Variants in MAP2K4 observed in about 807,000 individuals in gnomAD.
MAP2K4 encodes dual specificity mitogen-activated protein kinase kinase 4.
Under a neutral mutation model 48.5 loss-of-function variants are expected in MAP2K4, and 4 were observed. That is an observed-to-expected ratio of 0.08 (90% CI 0.04 to 0.19). The LOEUF (loss-of-function observed/expected upper bound fraction) is 0.19. Among genes scored for constraint, MAP2K4 ranks in the 10% least tolerant of loss-of-function variants. The pLI is 1.00. For synonymous variants in MAP2K4, 166 were observed against 173.1 expected (o/e 0.96, Z 0.32); for missense variants, 258 against 493.3 (o/e 0.52, Z 4.52).
chr17:12,048,021 C>T (rs1031333532), intron 1 of MAP2K4, among the ~76,000 whole-genome samples: 8 of 152,140 alleles, frequency 5.3e-5, no homozygotes, highest in African/African-American at 1.9e-4. Context: ...CCTTTAACCT[C>T]CTTGTACTAC....
chr17:12,054,754 T>C (rs892121953), intron 1 of MAP2K4, 135 bp from the exon 2 acceptor site: 11 of 508,470 alleles, frequency 2.2e-5, no homozygotes, highest in Non-Finnish European at 3.9e-5. Context: ...CCTCATTGCC[T>C]TTCAAAATAT....
intron 4 of MAP2K4, among the ~76,000 whole-genome samples, chr17:12,099,226 A>AT: frequency 6.6e-6 from 1 of 151,804 alleles, no homozygotes. Flanking sequence ...AAAAAAAAAA[A>AT]CATGATTTCA....
chr17:12,122,009 T>A (rs1972710064), intron 7 of MAP2K4, among the ~76,000 whole-genome samples: 1 of 152,242 alleles, frequency 6.6e-6, no homozygotes, highest in South Asian at 2.1e-4. Context: ...TCATGGTTTT[T>A]CGATACTGTG....
chr17:12,070,070 T>A (rs2151538786), intron 2 of MAP2K4, among the ~76,000 whole-genome samples: 1 of 150,232 alleles, frequency 6.7e-6, no homozygotes, highest in Admixed American at 6.6e-5. Flanking sequence ...GTATATTTGA[T>A]AGCATTGGGA....
intron 1 of MAP2K4, among the ~76,000 whole-genome samples, chr17:12,053,347 A>G (rs1263681286): frequency 6.6e-6 from 1 of 151,954 alleles, no homozygotes; most frequent in Non-Finnish European, 1.5e-5. Flanking sequence ...AAAAGCTTAA[A>G]ATGTTTTTGG....
At chr17:12,132,657 C>T (rs1973066924) in intron 9 of MAP2K4, among the ~76,000 whole-genome samples, 1 of 151,444 alleles carries the variant, frequency 6.6e-6, no homozygotes, top group Non-Finnish European at 1.5e-5. Context: ...GAAGACCTTG[C>T]CGACTGAGGT....
At chr17:12,114,767 A>G (rs1251433427) in intron 7 of MAP2K4, among the ~76,000 whole-genome samples, 3 of 152,224 alleles carry the variant, frequency 2.0e-5, no homozygotes, top group African/African-American at 4.8e-5. Flanking sequence ...CAGCCCAGAT[A>G]AAGTAGAATA....
chr17:12,097,123 A>C (rs970089149), intron 4 of MAP2K4, among the ~76,000 whole-genome samples: 2 of 152,220 alleles, frequency 1.3e-5, no homozygotes, highest in African/African-American at 4.8e-5. Context: ...TTGCACAAGA[A>C]TCTTACCATA....
chr17:12,130,194 A>G (rs1972978692), intron 9 of MAP2K4, among the ~76,000 whole-genome samples: 1 of 152,134 alleles, frequency 6.6e-6, no homozygotes, highest in African/African-American at 2.4e-5. Flanking sequence ...CTTTGTATGA[A>G]AAATTTAAAA....
At chr17:12,076,151 G>A (rs540944688) in intron 2 of MAP2K4, among the ~76,000 whole-genome samples, 1 of 152,254 alleles carries the variant, frequency 6.6e-6, no homozygotes, top group African/African-American at 2.4e-5. Context: ...TGGCCACTGT[G>A]TTTCTTTACA....
At chr17:12,028,827 T>C (rs556058708) in intron 1 of MAP2K4, among the ~76,000 whole-genome samples, 2 of 152,256 alleles carry the variant, frequency 1.3e-5, no homozygotes, top group Non-Finnish European at 2.9e-5. Flanking sequence ...ATTATCAACC[T>C]AGAGGAATGG....
chr17:12,117,215 C>T (rs753891129), intron 7 of MAP2K4, among the ~76,000 whole-genome samples: 6 of 152,040 alleles, frequency 3.9e-5, no homozygotes, highest in Admixed American at 6.5e-5. Context: ...ATATCATTAC[C>T]ACACCTAAAA....
chr17:12,040,017 T>C (rs530216671), intron 1 of MAP2K4, among the ~76,000 whole-genome samples: 1 of 152,324 alleles, frequency 6.6e-6, no homozygotes, highest in African/African-American at 2.4e-5. Context: ...TGTTGTGTGC[T>C]TCACATCACA....
chr17:12,085,022 G>C (rs181479310), intron 3 of MAP2K4, among the ~76,000 whole-genome samples: 1 of 152,266 alleles, frequency 6.6e-6, no homozygotes, highest in African/African-American at 2.4e-5. Flanking sequence ...ATGCCTGACA[G>C]TATATTCTCC....
chr17:12,128,147 G>A (rs1197450284), intron 8 of MAP2K4, among the ~76,000 whole-genome samples: 2 of 152,142 alleles, frequency 1.3e-5, no homozygotes, highest in Non-Finnish European at 2.9e-5. Flanking sequence ...GCGCAATCTC[G>A]GCTCACTGCA....
chr17:12,059,894 G>A lies in MAP2K4; in HGVS notation c.218+4903G>A, dbSNP rs993267301. On this transcript the variant is annotated intron_variant, in intron 2 of 10. Coordinates refer to ENST00000353533, the MANE Select transcript of MAP2K4 (RefSeq NM_003010.4). Reference sequence around the variant, plus strand: ...ACGTTGCTGTCTTAGAATTAATGACGAGGCCGGGCACAGTTGCTCACGCCT... The same window carrying A: ...ACGTTGCTGTCTTAGAATTAATGACAAGGCCGGGCACAGTTGCTCACGCCT... Among the ~76,000 whole-genome samples, 6 of 152,240 alleles carry A rather than the reference G, an allele frequency of 3.9e-5. No homozygotes were observed. In the East Asian group the frequency reaches 1.2e-3, roughly 29 times the overall value.
chr17:12,116,873 G>T (rs1334760851), intron 7 of MAP2K4, among the ~76,000 whole-genome samples: 4 of 152,056 alleles, frequency 2.6e-5, no homozygotes, highest in Non-Finnish European at 4.4e-5. Flanking sequence ...GTACATAATT[G>T]TATGTGCTAT....
chr17:12,024,973 G>C (rs1420658124), intron 1 of MAP2K4, among the ~76,000 whole-genome samples: 1 of 152,144 alleles, frequency 6.6e-6, no homozygotes, highest in East Asian at 1.9e-4. Context: ...AGATAGTATG[G>C]TTGGCATGTT....
At chr17:12,037,673 A>G (rs1177188843) in intron 1 of MAP2K4, among the ~76,000 whole-genome samples, 8 of 152,144 alleles carry the variant, frequency 5.3e-5, no homozygotes, top group Non-Finnish European at 8.8e-5. Flanking sequence ...TGAGACTTGT[A>G]GGATTAGCCG....
Sources: allele counts gnomAD v4.1 joint callset (sites outside exome capture counted in the v4.1 genomes callset), GRCh38; gene constraint gnomAD v4.1.1; transcripts MANE v1.5; gene names NCBI Gene and HGNC (gene_info 2026-07-23, HGNC 2026-07-21).